Variants in CES4A observed in about 807,000 individuals in gnomAD.
The protein encoded by CES4A is carboxylesterase 4A.
CES4A carries 48 observed loss-of-function variants against 65.4 expected under a neutral mutation model. That is an observed-to-expected ratio of 0.73 (90% CI 0.58 to 0.93). CES4A has a LOEUF of 0.93. Ranked by LOEUF, CES4A falls within the 40% of genes least tolerant of loss-of-function variation. The pLI, the probability that CES4A is intolerant of heterozygous loss-of-function variation, is 0.00. For missense variants in CES4A, 685 were observed against 728.5 expected, an observed-to-expected ratio of 0.94 and a Z score of 0.69; for synonymous variants, 247 against 281.8, an observed-to-expected ratio of 0.88 and a Z score of 1.24.
At chr16:66,995,553 C>A in intron 1 of CES4A, 75 bp from the exon 2 acceptor site, 1 of 1,307,796 alleles carries the variant, frequency 7.6e-7, no homozygotes, top group Non-Finnish European at 1.1e-6. Context: ...CCATTTGTGG[C>A]TGAGTGGCTG....
At chr16:66,992,992 G>C (rs968505589) in intron 1 of CES4A, among the ~76,000 whole-genome samples, 1 of 151,978 alleles carries the variant, frequency 6.6e-6, no homozygotes, top group East Asian at 1.9e-4. Flanking sequence ...AGCCCAATTC[G>C]GTTTTGATAA....
chr16:66,997,160 G>A (rs190977052), intron 2 of CES4A, among the ~76,000 whole-genome samples: 12 of 152,148 alleles, frequency 7.9e-5, no homozygotes, highest in Admixed American at 7.8e-4. Context: ...GGCTGTCACC[G>A]ATAAGATCCC....
intron 1 of CES4A, among the ~76,000 whole-genome samples, chr16:66,990,273 G>A (rs937728573): frequency 6.6e-6 from 1 of 151,988 alleles, no homozygotes; most frequent in Non-Finnish European, 1.5e-5. Flanking sequence ...GGCAGGTCTC[G>A]AAATTCTGAC....
chr16:67,001,464 G>A lies in CES4A; in HGVS notation c.690+3G>A. On this transcript the variant is annotated splice_donor_region_variant and intron_variant, in intron 5 of 13. Transcript: ENST00000648724. The surrounding 1 kb of genome is among the most constrained non-coding windows in gnomAD (Gnocchi z 4.1). The stretch of plus-strand genomic sequence containing the variant: ...GGGCCATGAGCATCTCAGGACTGGT[G>A]AGAGCAATGCCCAGACGGACCGAGC... The A allele has an allele frequency of 6.3e-7, 1 of 1,599,704 alleles. No homozygotes were observed. The highest frequency in any genetic ancestry group is 8.5e-7 in the Non-Finnish European group (1 of 1,173,132).
At chr16:66,998,261 G>T (rs1250054438) in intron 2 of CES4A, among the ~76,000 whole-genome samples, 1 of 152,110 alleles carries the variant, frequency 6.6e-6, no homozygotes, top group Non-Finnish European at 1.5e-5. Flanking sequence ...GGAGCACGGG[G>T]TGTTACAGAA....
rs962982274 is a variant in CES4A at position 67,001,915 on chromosome 16, C to T, written c.690+454C>T. ...GAATGTGGGTGTACTGTAAGGTGCC[C>T]TGTGAGGGGCATATGGCTGGGAAGT... On this transcript the variant is annotated intron_variant, in intron 5 of 13. Transcript: ENST00000648724. This position sits in a 1 kb window ranked among gnomAD's most constrained non-coding sequence, Gnocchi z 4.1. Among the ~76,000 whole-genome samples the T allele has an allele frequency of 2.0e-5, 3 of 152,234 alleles. No homozygotes were observed. The highest frequency in any genetic ancestry group is 2.0e-4 in the Admixed American group (3 of 15,288).
chr16:67,001,072 G>A lies in CES4A; in HGVS notation c.536+82G>A. ...GTGGGAAGGGAGGGGCGGGGCCTGG[G>A]GCGGGGATGGGGGGGGTGGGGCCGC... On this transcript the variant is annotated intron_variant, in intron 4 of 13. Transcript: ENST00000648724. The surrounding 1 kb of genome is among the most constrained non-coding windows in gnomAD (Gnocchi z 4.1). 9.8e-7 allele frequency: 1 copy of A among 1,020,122 alleles called. No individual in the cohort carries two copies. The highest frequency in any genetic ancestry group is 1.4e-6 in the Non-Finnish European group (1 of 719,730). 63.2% of individuals were successfully genotyped at this position (1,020,122 alleles called of 1,614,324 possible). A position where few individuals can be genotyped will look rare whatever the true frequency, so the allele number is the denominator to read the frequency against.
exon 11 of CES4A, chr16:67,005,324 C>T (rs1369011205): frequency 2.5e-6 from 4 of 1,613,950 alleles, no homozygotes; most frequent in Middle Eastern, 1.6e-4. Flanking sequence ...GCTACGAAAC[C>T]GTATGATGGA....
In CES4A at chr16:67,003,043, C is replaced by A; in HGVS notation, c.691-27C>A. On this transcript the variant is annotated intron_variant, in intron 5 of 13. Coordinates refer to ENST00000648724, the Ensembl canonical transcript of CES4A. This position sits in a 1 kb window ranked among gnomAD's most constrained non-coding sequence, Gnocchi z 4.2. ...CAGGTGTCTCTACTTGGGCATCTCA[C>A]GGGTGTATTCCTCCCTGTTCTTGCA... 1 of 1,588,530 alleles carries A rather than the reference C, an allele frequency of 6.3e-7. No individual in the cohort carries two copies. Among genetic ancestry groups the A allele is most frequent in the Non-Finnish European group, 8.6e-7 (1 of 1,156,764 alleles).
intron 1 of CES4A, among the ~76,000 whole-genome samples, chr16:66,995,195 A>C (rs1399494087): frequency 6.6e-6 from 1 of 151,720 alleles, no homozygotes; most frequent in East Asian, 1.9e-4. Flanking sequence ...CTGTGGTCCC[A>C]GCTGCTCTGG....
exon 1 of CES4A, chr16:66,988,594 C>T: frequency 1.5e-6 from 2 of 1,299,444 alleles, no homozygotes; most frequent in South Asian, 3.0e-5. Context: ...AAGGCAGAGA[C>T]AAGGCTGTGG....
In CES4A at chr16:66,995,840, G is replaced by C. The variant is rs914971487; in HGVS notation, c.260+11G>C. 6.2e-7 allele frequency: 1 copy of C among 1,612,172 alleles called. No homozygotes were observed. The highest frequency in any genetic ancestry group is 8.5e-7 in the Non-Finnish European group (1 of 1,179,396). ...CACCTACCCGCCTGGGTAAGAGTCA[G>C]AGGCCTGTCCACTGGGAGGGGGCAA... On this transcript the variant is annotated intron_variant, in intron 2 of 13. Coordinates refer to ENST00000648724, the Ensembl canonical transcript of CES4A.
intron 1 of CES4A, among the ~76,000 whole-genome samples, chr16:66,992,894 C>T (rs1964501803): frequency 6.6e-6 from 1 of 152,112 alleles, no homozygotes; most frequent in African/African-American, 2.4e-5. Context: ...CCATGTTGGC[C>T]AGACTGGTCT....
exon 11 of CES4A, chr16:67,005,279 T>G (rs1321285353): frequency 3.1e-6 from 5 of 1,613,794 alleles, no homozygotes; most frequent in Non-Finnish European, 3.4e-6. Flanking sequence ...GGTGGAGGAG[T>G]ACCTGGACAA....
chr16:67,006,475 A>T (rs528480220), exon 12 of CES4A: 1 of 1,536,518 alleles, frequency 6.5e-7, no homozygotes, highest in Non-Finnish European at 8.7e-7. Flanking sequence ...GGGGCAGACC[A>T]TGGGGATGAG....
rs1404415128 is a variant in CES4A, at chr16:67,000,910, C to T, written c.456C>T (p.Tyr152=). 6.2e-7 allele frequency: 1 copy of T among 1,612,556 alleles called. No homozygotes were observed. Among genetic ancestry groups the T allele is most frequent in the Admixed American group, 1.7e-5 (1 of 59,892 alleles). Residue 152 remains tyrosine (Y), a synonymous_variant, in exon 4 of 14, where the codon TAC becomes TAT. Transcript: ENST00000648724. The surrounding 1 kb of genome is among the most constrained non-coding windows in gnomAD (Gnocchi z 4.2). ...TCATCGTGGGCGCTGCTTCTTCGTA[C>T]GAGGGCTCTGACTTGGCCGCCCGCG...
chr16:66,988,750 C>T (rs778309721), exon 1 of CES4A: 3 of 1,557,366 alleles, frequency 1.9e-6, no homozygotes, highest in South Asian at 1.2e-5. Flanking sequence ...TCACTCCTGC[C>T]CACAGCAGGA....
exon 1 of CES4A, chr16:66,988,623 ACAATTCCTCCCGCCC>A: frequency 6.8e-7 from 1 of 1,461,492 alleles, no homozygotes; most frequent in East Asian, 2.5e-5. Flanking sequence ...GAAGCTGGTT[ACAATTCCTCCCGCCC>A]CAGTACTTGC....
chr16:66,988,667 G>A, exon 1 of CES4A: 1 of 1,537,386 alleles, frequency 6.5e-7, no homozygotes, highest in Non-Finnish European at 8.8e-7. Flanking sequence ...ATTAAGAGCA[G>A]ATAAAAGTGT....
Sources: gnomAD v4.1 joint callset for allele counts (sites outside exome capture counted in the v4.1 genomes callset) on GRCh38, gnomAD v4.1.1 for gene constraint, Gnocchi (gnomAD v3.1) non-coding constraint, MANE v1.5 for transcripts, NCBI Gene and HGNC (gene_info 2026-07-23, HGNC 2026-07-21) for gene names.